NFAT5: variants seen among roughly 807,000 people sequenced by gnomAD.
NFAT5 encodes the protein nuclear factor of activated T cells 5.
Under a neutral mutation model 166.5 loss-of-function variants are expected in NFAT5, and 31 were observed. The ratio of observed to expected loss-of-function variants is 0.19; its 90% CI spans 0.14 to 0.25. The LOEUF (loss-of-function observed/expected upper bound fraction) is 0.25, where lower values mean the gene tolerates loss of function less well. Among genes scored for constraint, NFAT5 ranks in the 10% least tolerant of loss-of-function variants. The pLI is 1.00. For synonymous variants in NFAT5, 612 were observed against 639.7 expected, an observed-to-expected ratio of 0.96 and a Z score of 0.65; for missense variants, 1,449 against 1,821.8, an observed-to-expected ratio of 0.80 and a Z score of 3.72.
At chr16:69,613,738 A>G (rs1216640647) in intron 2 of NFAT5, among the ~76,000 whole-genome samples, 1 of 152,166 alleles carries the variant, frequency 6.6e-6, no homozygotes, top group Non-Finnish European at 1.5e-5. Flanking sequence ...AACACTTCAT[A>G]CTTTATTAAA....
intron 10 of NFAT5, among the ~76,000 whole-genome samples, chr16:69,680,562 A>G (rs1258641807): frequency 1.3e-5 from 2 of 152,176 alleles, no homozygotes; most frequent in Admixed American, 1.3e-4. Flanking sequence ...TTAGGCAATC[A>G]TTACTGTATG....
Position 69,638,352 on chromosome 16 carries a change from C to T in NFAT5, c.254-8676C>T, listed in dbSNP as rs77571090. ...GATCTAACGTACACTTTACTCCAGA[C>T]CCAGGTCTAAAACCTGATTGATTAA... On this transcript the variant is annotated intron_variant, in intron 3 of 14. Coordinates refer to ENST00000349945, the MANE Select transcript of NFAT5 (RefSeq NM_138713.4). Among the ~76,000 whole-genome samples the T allele has an allele frequency of 5.4e-3, 817 of 152,294 alleles. 9 individuals are homozygous for T. The highest frequency in any genetic ancestry group is 0.019 in the African/African-American group (783 of 41,562).
chr16:69,662,953 A>G (rs2036216868), intron 7 of NFAT5, among the ~76,000 whole-genome samples: 1 of 152,192 alleles, frequency 6.6e-6, no homozygotes, highest in Non-Finnish European at 1.5e-5. Flanking sequence ...AAAAATTAAA[A>G]TGTTTGTTCC....
At chr16:69,674,597 AACTAG>A (rs1372099910) in intron 9 of NFAT5, among the ~76,000 whole-genome samples, 1 of 152,188 alleles carries the variant, frequency 6.6e-6, no homozygotes, top group Non-Finnish European at 1.5e-5. Flanking sequence ...TTGTGGGAAG[AACTAG>A]ACTAAACAAA....
intron 7 of NFAT5, among the ~76,000 whole-genome samples, chr16:69,664,412 G>C (rs2036275049): frequency 6.6e-6 from 1 of 152,142 alleles, no homozygotes; most frequent in African/African-American, 2.4e-5. Context: ...AGCCTCCCGA[G>C]TAGCTGGGAC....
chr16:69,689,822 G>A (rs1221631090), intron 11 of NFAT5, among the ~76,000 whole-genome samples: 1 of 152,216 alleles, frequency 6.6e-6, no homozygotes, highest in African/African-American at 2.4e-5. Context: ...TGGGATTGCA[G>A]GCATGAGCCA....
intron 2 of NFAT5, among the ~76,000 whole-genome samples, chr16:69,619,888 C>G (rs1597411805): frequency 6.6e-6 from 1 of 152,168 alleles, no homozygotes; most frequent in Non-Finnish European, 1.5e-5. Flanking sequence ...TCTCACTGTC[C>G]TGTGCCTCAG....
chr16:69,574,163 G>A (rs982897447), intron 2 of NFAT5, among the ~76,000 whole-genome samples: 3 of 152,002 alleles, frequency 2.0e-5, no homozygotes, highest in East Asian at 1.9e-4. Flanking sequence ...GAGCCACTGC[G>A]CCCGGCCAAA....
At position 69,661,407 on chromosome 16, in the gene NFAT5, G is replaced by A. The variant is rs577531884; in HGVS notation, c.1369+1508G>A. 4.0e-4 allele frequency among the ~76,000 whole-genome samples: 60 copies of A among 149,668 alleles called. 1 individual carries two copies. In the East Asian group the frequency reaches 0.011, roughly 26 times the overall value. The stretch of plus-strand genomic sequence containing the variant: ...AAAAAAAAAAAAAAAGCCAGGCATG[G>A]TGGCATGTGCCTGTAGTCCCAGCTA... On this transcript the variant is annotated intron_variant, in intron 7 of 14. Transcript: ENST00000349945.
chr16:69,691,116 C>A, intron 12 of NFAT5, 28 bp downstream of exon 12: 2 of 1,481,474 alleles, frequency 1.4e-6, no homozygotes, highest in Non-Finnish European at 9.0e-7. Flanking sequence ...GTGCACAAAC[C>A]TCCTATATAA....
intron 2 of NFAT5, among the ~76,000 whole-genome samples, chr16:69,593,477 A>ATT (rs59070063): frequency 6.9e-6 from 1 of 145,714 alleles, no homozygotes; most frequent in African/African-American, 2.5e-5. Flanking sequence ...GGCCCAGCTA[A>ATT]TTTTTTTTTT....
rs535471387 is a variant in NFAT5, at chr16:69,569,174, T to A, written c.127+626T>A. 2.6e-5 allele frequency among the ~76,000 whole-genome samples: 4 copies of A among 152,310 alleles called. No individual in the cohort carries two copies. The South Asian group carries it at 8.3e-4, about 32-fold the overall frequency. The stretch of plus-strand genomic sequence containing the variant: ...CTTTGTGTGTGTGTGTGTTTTAACA[T>A]TTTAAGACATAAAATAGTCTTGTGT... On this transcript the variant is annotated intron_variant, in intron 2 of 14. Transcript: ENST00000349945.
At chr16:69,695,582 G>T in intron 14 of NFAT5, 1 of 500,144 alleles carries the variant, frequency 2.0e-6, no homozygotes, top group Non-Finnish European at 3.6e-6. Context: ...GGTGGCTCAT[G>T]CCTGTAATCC....
intron 2 of NFAT5, among the ~76,000 whole-genome samples, chr16:69,608,152 C>T (rs974350708): frequency 4.0e-5 from 6 of 149,096 alleles, no homozygotes; most frequent in African/African-American, 1.2e-4. Context: ...GTCAGGAGTT[C>T]GAGACCAGGC....
At chr16:69,682,716 T>C (rs1394700407) in intron 10 of NFAT5, among the ~76,000 whole-genome samples, 1 of 152,176 alleles carries the variant, frequency 6.6e-6, no homozygotes, top group Non-Finnish European at 1.5e-5. Context: ...TTTAAATCTT[T>C]TATTACTAGA....
chr16:69,590,908 G>T (rs775909412), intron 2 of NFAT5, among the ~76,000 whole-genome samples: 1 of 152,048 alleles, frequency 6.6e-6, no homozygotes, highest in Non-Finnish European at 1.5e-5. Context: ...TGTGTGAGAG[G>T]CTGTATCATT....
chr16:69,660,284 T>A (rs567565046), intron 7 of NFAT5, among the ~76,000 whole-genome samples: 2 of 152,010 alleles, frequency 1.3e-5, no homozygotes, highest in South Asian at 4.1e-4. Context: ...ATATAATAAG[T>A]TGGGTGTGAT....
At chr16:69,641,381 G>A (rs2035206546) in intron 3 of NFAT5, among the ~76,000 whole-genome samples, 1 of 135,440 alleles carries the variant, frequency 7.4e-6, no homozygotes, top group Admixed American at 7.5e-5. Flanking sequence ...TCCACTATTT[G>A]TTCACTTAGC....
chr16:69,585,209 C>G (rs2031976618), intron 2 of NFAT5, among the ~76,000 whole-genome samples: 1 of 151,770 alleles, frequency 6.6e-6, no homozygotes, highest in African/African-American at 2.4e-5. Flanking sequence ...TGGGGTTTCA[C>G]CATGTTGGCC....
Sources: gnomAD v4.1 joint callset for allele counts (sites outside exome capture counted in the v4.1 genomes callset) on GRCh38, gnomAD v4.1.1 for gene constraint, MANE v1.5 for transcripts, NCBI Gene and HGNC (gene_info 2026-07-23, HGNC 2026-07-21) for gene names.